The following TENM2 variants were observed in gnomAD, a reference collection of about 807,000 sequenced individuals.
The protein encoded by TENM2 is teneurin-2.
A neutral mutation model predicts 245.2 loss-of-function variants in TENM2; 52 were observed. The observed-to-expected ratio is 0.21, with a 90% CI of 0.17 to 0.27. The LOEUF (loss-of-function observed/expected upper bound fraction) is 0.27. Among genes scored for constraint, TENM2 ranks in the 10% least tolerant of loss-of-function variants. TENM2 has a pLI of 1.00. For synonymous variants in TENM2, 1,363 were observed against 1,438.9 expected (o/e 0.95, Z 1.19); for missense variants, 3,046 against 3,666.8 (o/e 0.83, Z 4.37).
At chr5:167,405,266 G>T (rs570563956) in intron 2 of TENM2, among the ~76,000 whole-genome samples, 1 of 151,632 alleles carries the variant, frequency 6.6e-6, no homozygotes, top group South Asian at 2.1e-4. Flanking sequence ...TATGATTTCC[G>T]AATAGCATGG....
intron 2 of TENM2, among the ~76,000 whole-genome samples, chr5:167,648,711 T>G (rs373521345): frequency 4.7e-4 from 72 of 152,306 alleles, no homozygotes; most frequent in African/African-American, 1.7e-3. Flanking sequence ...GGGGGACCCT[T>G]CACCACAGGC....
At chr5:167,193,578 G>C in the TENM2 span, among the ~76,000 whole-genome samples, 1 of 151,940 alleles carries the variant, frequency 6.6e-6, no homozygotes, top group East Asian at 1.9e-4. Flanking sequence ...TTTAACCCTA[G>C]CCAGAGTCAA....
the TENM2 span, among the ~76,000 whole-genome samples, chr5:167,126,490 G>A: frequency 6.6e-6 from 1 of 152,176 alleles, no homozygotes; most frequent in East Asian, 1.9e-4. Flanking sequence ...AATAAAGCTA[G>A]AGAAAAACAC....
At chr5:167,801,004 C>T (rs28590401) in intron 2 of TENM2, among the ~76,000 whole-genome samples, 3,560 of 150,356 alleles carry the variant, frequency 0.024, 151 homozygotes, top group African/African-American at 0.083. Flanking sequence ...AAAAGAACAA[C>T]GCTCTCATTC....
intron 2 of TENM2, among the ~76,000 whole-genome samples, chr5:167,471,217 C>T (rs901428268): frequency 6.6e-6 from 1 of 152,110 alleles, no homozygotes; most frequent in Non-Finnish European, 1.5e-5. Flanking sequence ...TTCTTCCTTG[C>T]TCTGTTGTAC....
intron 2 of TENM2, among the ~76,000 whole-genome samples, chr5:167,390,007 C>T (rs1411431877): frequency 6.6e-6 from 1 of 151,880 alleles, no homozygotes; most frequent in Non-Finnish European, 1.5e-5. Context: ...ACAATGTCTA[C>T]AGTGATCCCA....
Position 168,254,439 on chromosome 5 carries a change from GGAGGGA to G in TENM2, c.7433-5839_7433-5834del, listed in dbSNP as rs148801981. Among the ~76,000 whole-genome samples the G allele has an allele frequency of 2.3e-3, 355 of 151,720 alleles. 4 individuals carry two copies. In the East Asian group the frequency reaches 0.038, roughly 16 times the overall value. On this transcript the variant is annotated intron_variant, in intron 27 of 28. Coordinates refer to ENST00000518659, the Ensembl canonical transcript of TENM2. ...TTAAAGAAGAGGAAAGAGGGAAAGG[GGAGGGA>G]GAGGAAGAGGAAGAAGGGGAGGAAG...
At chr5:167,761,927 G>C (rs958076943) in intron 2 of TENM2, among the ~76,000 whole-genome samples, 2 of 152,168 alleles carry the variant, frequency 1.3e-5, no homozygotes, top group Non-Finnish European at 2.9e-5. Flanking sequence ...GATTGAAAAA[G>C]TTTCCTCAAC....
intron 1 of TENM2, among the ~76,000 whole-genome samples, chr5:167,300,358 G>A (rs1377468373): frequency 6.6e-6 from 1 of 152,174 alleles, no homozygotes; most frequent in Admixed American, 6.5e-5. Context: ...AAGTGAAAGC[G>A]AAGAGAGGCT....
chr5:167,155,864 A>G, the TENM2 span, among the ~76,000 whole-genome samples: 1 of 152,212 alleles, frequency 6.6e-6, no homozygotes, highest in Non-Finnish European at 1.5e-5. Context: ...GAAAATGGCA[A>G]TAGGTTTGAG....
chr5:167,572,120 G>A (rs1774306885), intron 2 of TENM2, among the ~76,000 whole-genome samples: 1 of 152,156 alleles, frequency 6.6e-6, no homozygotes, highest in Non-Finnish European at 1.5e-5. Context: ...GTGGAGGTGG[G>A]GATTACTTCT....
chr5:166,987,016 A>G, the TENM2 span, among the ~76,000 whole-genome samples: 1 of 152,216 alleles, frequency 6.6e-6, no homozygotes, highest in African/African-American at 2.4e-5. Context: ...TGCAGAAGCC[A>G]AACAGTAAAT....
rs555762070 is a variant in TENM2, at chr5:168,108,650, C to T, written c.1814-9642C>T. Among the ~76,000 whole-genome samples, 6 of 152,294 alleles carry T rather than the reference C, an allele frequency of 3.9e-5. No individual in the cohort carries two copies. In the South Asian group the frequency reaches 8.3e-4, roughly 21 times the overall value. On this transcript the variant is annotated intron_variant, in intron 9 of 28. Coordinates refer to ENST00000518659, the Ensembl canonical transcript of TENM2. Reference sequence around the variant, plus strand: ...TCCCCAAGGTTACATAGCAGGGCCACGTCTGCCTGGTTCTGAAGCTTGTGG... The same window carrying T: ...TCCCCAAGGTTACATAGCAGGGCCATGTCTGCCTGGTTCTGAAGCTTGTGG...
At chr5:167,438,798 T>C (rs747353155) in intron 2 of TENM2, among the ~76,000 whole-genome samples, 2 of 151,768 alleles carry the variant, frequency 1.3e-5, no homozygotes, top group Non-Finnish European at 2.9e-5. Flanking sequence ...TTTTGTTTGA[T>C]AGTTTGCTTT....
chr5:167,197,153 C>A, the TENM2 span, among the ~76,000 whole-genome samples: 1 of 152,056 alleles, frequency 6.6e-6, no homozygotes, highest in Non-Finnish European at 1.5e-5. Flanking sequence ...CACTAGTGCT[C>A]TCTGTAAGAG....
At chr5:168,141,433 G>A (rs1755538043) in intron 12 of TENM2, among the ~76,000 whole-genome samples, 3 of 152,148 alleles carry the variant, frequency 2.0e-5, no homozygotes, top group Non-Finnish European at 2.9e-5. Context: ...AGACTTACTG[G>A]CATTGGAACT....
chr5:167,596,377 C>A (rs142480225), intron 2 of TENM2, among the ~76,000 whole-genome samples: 6 of 152,278 alleles, frequency 3.9e-5, no homozygotes, highest in East Asian at 3.9e-4. Context: ...GACTGTCCCC[C>A]CCAAGGACCT....
intron 2 of TENM2, among the ~76,000 whole-genome samples, chr5:167,437,308 C>T (rs772605844): frequency 2.0e-4 from 31 of 152,312 alleles, no homozygotes; most frequent in East Asian, 1.9e-4. Flanking sequence ...TGCCAGATTT[C>T]GGACTTGCAT....
the TENM2 span, among the ~76,000 whole-genome samples, chr5:167,153,363 A>G: frequency 6.6e-6 from 1 of 152,148 alleles, no homozygotes; most frequent in East Asian, 1.9e-4. Context: ...TAAGAATTAT[A>G]AGGAAGAGAA....
Sources: gnomAD v4.1 joint callset for allele counts (sites outside exome capture counted in the v4.1 genomes callset) on GRCh38, gnomAD v4.1.1 for gene constraint, MANE v1.5 for transcripts, NCBI Gene and HGNC (gene_info 2026-07-23, HGNC 2026-07-21) for gene names.